CSRNP3: variants seen among roughly 807,000 people sequenced by gnomAD.
CSRNP3 encodes cysteine and serine rich nuclear protein 3, also known as cysteine/serine-rich nuclear protein 3.
A neutral mutation model predicts 48.0 loss-of-function variants in CSRNP3; 12 were observed. The observed-to-expected ratio is 0.25, with a 90% confidence interval of 0.16 to 0.41. The LOEUF (loss-of-function observed/expected upper bound fraction) is 0.41. Ranked by LOEUF, CSRNP3 falls within the 10% of genes least tolerant of loss-of-function variation. The pLI is 1.00. For missense variants in CSRNP3, 580 were observed against 724.4 expected (o/e 0.80, Z 2.29); for synonymous variants, 263 against 269.7 (o/e 0.98, Z 0.24).
Position 165,676,615 on chromosome 2 carries a change from G to A in CSRNP3, c.705+7G>A, listed in dbSNP as rs1161653898. On this transcript the variant is annotated splice_region_variant and intron_variant, in intron 6 of 6. Transcript: ENST00000651982. ...GGCTGGCATTAAGTGCCAGGTAAGGGTTGGGAATTCAGGGCATCCAAAGAC... is the reference window on the plus strand; with the variant it reads ...GGCTGGCATTAAGTGCCAGGTAAGGATTGGGAATTCAGGGCATCCAAAGAC... The A allele has an allele frequency of 6.2e-7, 1 of 1,609,776 alleles. No homozygotes were observed. The highest frequency in any genetic ancestry group is 1.7e-5 in the Admixed American group (1 of 59,954).
At chr2:165,566,315 C>G (rs1475048533) in intron 3 of CSRNP3, among the ~76,000 whole-genome samples, 2 of 151,858 alleles carry the variant, frequency 1.3e-5, no homozygotes, top group East Asian at 1.9e-4. Context: ...CTAGAATACC[C>G]TTATTTTCCA....
chr2:165,612,789 T>G (rs532723857), intron 4 of CSRNP3, among the ~76,000 whole-genome samples: 4 of 152,086 alleles, frequency 2.6e-5, no homozygotes, highest in African/African-American at 7.2e-5. Context: ...AGTATTCTAT[T>G]GTGTATATAT....
intron 3 of CSRNP3, among the ~76,000 whole-genome samples, chr2:165,560,567 C>T (rs1033357367): frequency 2.6e-5 from 4 of 152,190 alleles, no homozygotes; most frequent in African/African-American, 9.7e-5. Flanking sequence ...GAGTGAGTCT[C>T]TCTATTCCCT....
At chr2:165,655,875 T>C (rs73031633) in intron 4 of CSRNP3, among the ~76,000 whole-genome samples, 5,907 of 152,246 alleles carry the variant, frequency 0.039, 336 homozygotes, top group African/African-American at 0.12. Context: ...AACACACCAG[T>C]CATCTTGGAT....
In CSRNP3 at chr2:165,566,017, G is replaced by T. The variant is rs555804887; in HGVS notation, c.-23-29026G>T. On this transcript the variant is annotated intron_variant, in intron 3 of 6. Coordinates refer to ENST00000651982, the MANE Select transcript of CSRNP3 (RefSeq NM_001172173.2). ...CTGTGACAGACAGAATCGTCTATCT[G>T]GGTTCATAGACAAAATCTATGAATC... Among the ~76,000 whole-genome samples the T allele has an allele frequency of 1.1e-4, 17 of 151,862 alleles. No individual in the cohort carries two copies. In the South Asian group the frequency reaches 3.3e-3, roughly 30 times the overall value.
At chr2:165,574,142 A>C in intron 3 of CSRNP3, 1 of 499,020 alleles carries the variant, frequency 2.0e-6, no homozygotes, top group Non-Finnish European at 3.6e-6. Context: ...AGCCTGGCAG[A>C]ACCGCAGTTC....
Position 165,617,966 on chromosome 2 carries a change from G to A in CSRNP3, c.148+22753G>A, listed in dbSNP as rs80098032. Among the ~76,000 whole-genome samples, 121 of 152,288 alleles carry A rather than the reference G, an allele frequency of 7.9e-4. No homozygotes were observed. The East Asian group carries it at 0.013, about 17-fold the overall frequency. ...GACCCCAAGGATGTCAACATGCAGC[G>A]GTTATTGGGCCCCAGGGCAGGGTGT... On this transcript the variant is annotated intron_variant, in intron 4 of 6. Transcript: ENST00000651982.
chr2:165,616,146 T>C (rs1192633853), intron 4 of CSRNP3, among the ~76,000 whole-genome samples: 1 of 152,152 alleles, frequency 6.6e-6, no homozygotes, highest in Non-Finnish European at 1.5e-5. Context: ...ATTTTTTAAC[T>C]GAAAAATTTA....
At chr2:165,498,674 A>G (rs1375830957) in intron 2 of CSRNP3, among the ~76,000 whole-genome samples, 1 of 152,208 alleles carries the variant, frequency 6.6e-6, no homozygotes, top group Admixed American at 6.6e-5. Flanking sequence ...CAATGAATCT[A>G]GAAAAACAAC....
At chr2:165,632,191 T>A (rs1448315701) in intron 4 of CSRNP3, among the ~76,000 whole-genome samples, 1 of 152,198 alleles carries the variant, frequency 6.6e-6, no homozygotes, top group Admixed American at 6.5e-5. Context: ...CTTTTTATTC[T>A]TTTATCAATG....
chr2:165,563,301 A>G (rs1247311301), intron 3 of CSRNP3, among the ~76,000 whole-genome samples: 1 of 152,182 alleles, frequency 6.6e-6, no homozygotes, highest in Middle Eastern at 3.2e-3. Flanking sequence ...ATGCACCTGT[A>G]ACGATAACTG....
rs373031359 is a variant in CSRNP3, at chr2:165,682,424, A to G, written c.*2671A>G. 2.6e-5 allele frequency: 4 copies of G among 152,228 alleles called. No homozygotes were observed. In the East Asian group the frequency reaches 7.7e-4, roughly 29 times the overall value. The allele number at this position is 152,228 out of a possible 1,614,324, so 9.4% of individuals were successfully genotyped here. On this transcript the variant is annotated 3_prime_UTR_variant, in exon 7 of 7. Coordinates refer to ENST00000651982, the MANE Select transcript of CSRNP3 (RefSeq NM_001172173.2). ...ACAGGCTACCTATTAAAACTCTCCC[A>G]TATACCTAACACATACACATGCACA...
chr2:165,581,780 G>T (rs577502735), intron 3 of CSRNP3, among the ~76,000 whole-genome samples: 33 of 152,090 alleles, frequency 2.2e-4, no homozygotes, highest in Admixed American at 7.9e-4. Flanking sequence ...CAGGCAATCC[G>T]CCCACCTCTG....
chr2:165,689,392 C>A lies in CSRNP3; in HGVS notation c.*9639C>A, dbSNP rs1394655191. On this transcript the variant is annotated 3_prime_UTR_variant, in exon 7 of 7. Coordinates refer to ENST00000651982, the MANE Select transcript of CSRNP3 (RefSeq NM_001172173.2). The stretch of plus-strand genomic sequence containing the variant: ...CCATTTGTTTGCAGCAGAGTAAAAC[C>A]GGTTTCTAAGTTGTATCTACTGTTG... 6.6e-6 allele frequency: 1 copy of A among 152,030 alleles called. No homozygotes were observed. Among genetic ancestry groups the A allele is most frequent in the Non-Finnish European group, 1.5e-5 (1 of 67,996 alleles). 9.4% of individuals were successfully genotyped at this position (152,030 alleles called of 1,614,324 possible). A position where few individuals can be genotyped will look rare whatever the true frequency, so the allele number is the denominator to read the frequency against.
At chr2:165,600,999 T>C (rs1026724304) in intron 4 of CSRNP3, among the ~76,000 whole-genome samples, 1 of 152,250 alleles carries the variant, frequency 6.6e-6, no homozygotes, top group Non-Finnish European at 1.5e-5. Context: ...CACCACATTA[T>C]GGTAATAAAA....
chr2:165,541,439 C>T (rs965640812), intron 3 of CSRNP3, among the ~76,000 whole-genome samples: 3 of 152,048 alleles, frequency 2.0e-5, no homozygotes, highest in South Asian at 2.1e-4. Context: ...GGCCTCTCTC[C>T]TCTGTCTTCA....
Position 165,507,375 on chromosome 2 carries a change from G to A in CSRNP3, c.-112-10498G>A, listed in dbSNP as rs564202106. ...TGTTTTTTGGTACCCCAGAACCTAA[G>A]CATCTTTTATTACATCATCATGCCA... On this transcript the variant is annotated intron_variant, in intron 2 of 6. Coordinates refer to ENST00000651982, the MANE Select transcript of CSRNP3 (RefSeq NM_001172173.2). Among the ~76,000 whole-genome samples the A allele has an allele frequency of 5.3e-5, 8 of 152,180 alleles. No individual in the cohort carries two copies. In the South Asian group the frequency reaches 1.7e-3, roughly 32 times the overall value.
chr2:165,637,592 T>A (rs892697495), intron 4 of CSRNP3, among the ~76,000 whole-genome samples: 2 of 152,222 alleles, frequency 1.3e-5, no homozygotes, highest in African/African-American at 4.8e-5. Flanking sequence ...TAAGTATGAA[T>A]AAGTACCAGT....
In CSRNP3 at chr2:165,477,483, A is replaced by AATATATAT. The variant is rs200408228; in HGVS notation, c.-283+7751_-283+7758dup. Among the ~76,000 whole-genome samples the AATATATAT allele has an allele frequency of 4.8e-3, 627 of 129,610 alleles. 12 individuals carry two copies. The highest frequency in any genetic ancestry group is 0.016 in the African/African-American group (565 of 35,298). 85.0% of individuals were successfully genotyped at this position (129,610 alleles called of 152,430 possible). A position where few individuals can be genotyped will look rare whatever the true frequency, so the allele number is the denominator to read the frequency against. On this transcript the variant is annotated intron_variant, in intron 1 of 6. Transcript: ENST00000651982. ...AAAATACAAATATATATATATATGA[A>AATATATAT]ATATATATATATATAATACAAATAT...
Sources: allele counts gnomAD v4.1 joint callset (sites outside exome capture counted in the v4.1 genomes callset), GRCh38; gene constraint gnomAD v4.1.1; transcripts MANE v1.5; gene names NCBI Gene and HGNC (gene_info 2026-07-23, HGNC 2026-07-21).